Variants in ABL2 observed in about 807,000 individuals in gnomAD.
ABL2 encodes the protein tyrosine-protein kinase ABL2.
In ABL2, 49 loss-of-function variants were observed where a neutral mutation model predicts 107.7. The ratio of observed to expected loss-of-function variants is 0.45; its 90% confidence interval spans 0.36 to 0.58. The LOEUF (loss-of-function observed/expected upper bound fraction) is 0.58, where lower values mean the gene tolerates loss of function less well. ABL2 is among the 20% of genes least tolerant of loss of function. ABL2 has a pLI of 0.00. For synonymous variants in ABL2, 549 were observed against 548.6 expected, an observed-to-expected ratio of 1.00 and a Z score of -0.01; for missense variants, 1,245 against 1,457.0, an observed-to-expected ratio of 0.85 and a Z score of 2.37.
At chr1:179,227,053 G>A (rs1663257449) in intron 1 of ABL2, among the ~76,000 whole-genome samples, 3 of 152,102 alleles carry the variant, frequency 2.0e-5, no homozygotes, top group Admixed American at 2.0e-4. Flanking sequence ...CACCACTCAA[G>A]GCCAGTCTTT....
chr1:179,166,533 C>A (rs998091750), intron 1 of ABL2, among the ~76,000 whole-genome samples: 1 of 151,998 alleles, frequency 6.6e-6, no homozygotes, highest in East Asian at 1.9e-4. Context: ...AATCCCAGCA[C>A]TTTGGGAGGC....
chr1:179,201,956 G>T, intron 1 of ABL2: 1 of 1,162,968 alleles, frequency 8.6e-7, no homozygotes. Context: ...ACCCCAGCCA[G>T]GGCTCAATCT....
rs778857651 is a variant in ABL2, at chr1:179,108,535, G to C, written c.2732C>G (p.Pro911Arg). ...MAGVPEDGEQ[P>R]GWPSPAKAAP... is the part of the protein sequence containing the mutation. ...AGCCTTGGCTGGAGAAGGCCAGCCC[G>C]GCTGCTCTCCATCCTCTGGAACTCC... The change falls in exon 12 of 12, where the codon CCG (proline) becomes CGG (arginine). Residue 911 changes from proline to arginine, a missense_variant. Physicochemically the swap from Pro to Arg is moderately radical, Grantham distance 103 (BLOSUM62 -2). This residue lies in a region of ABL2 where 761 missense variants were observed against 766.4 expected (regional missense o/e 0.99). Coordinates refer to ENST00000502732, the MANE Select transcript of ABL2 (RefSeq NM_007314.4). 3.1e-6 allele frequency: 5 copies of C among 1,613,986 alleles called. No individual in the cohort carries two copies. The Admixed American group carries it at 5.0e-5, about 16-fold the overall frequency.
At chr1:179,112,677 C>A (rs1654203593) in intron 9 of ABL2, among the ~76,000 whole-genome samples, 1 of 152,172 alleles carries the variant, frequency 6.6e-6, no homozygotes, top group Admixed American at 6.5e-5. Context: ...GCAGCCTTGA[C>A]CTCCTGGGTT....
Position 179,117,510 on chromosome 1 carries a change from A to T in ABL2, c.1230T>A (p.Leu410=), listed in dbSNP as rs1416281877. Reference sequence around the variant, plus strand: ...CTCCCACTAGGCAGTTACGAGCTGCAAGATCTCTGTGGGAAAGAGAACCCT... The same window carrying T: ...CTCCCACTAGGCAGTTACGAGCTGCTAGATCTCTGTGGGAAAGAGAACCCT... The part of the protein sequence containing the change: ...LEKKNFIHRD[L]AARNCLVGEN... The change falls in exon 8 of 12, where the codon CTT becomes CTA. Residue 410 remains leucine (L), a synonymous_variant. Coordinates refer to ENST00000502732, the MANE Select transcript of ABL2 (RefSeq NM_007314.4). The T allele has an allele frequency of 7.4e-6, 12 of 1,614,050 alleles. No individual in the cohort carries two copies. Among genetic ancestry groups the T allele is most frequent in the Non-Finnish European group, 1.0e-5 (12 of 1,180,026 alleles).
rs181244513 is a variant in ABL2, at chr1:179,117,086, T to C, written c.1408+246A>G. 38 of 485,110 alleles carry C rather than the reference T, an allele frequency of 7.8e-5. 1 individual carries two copies. In the East Asian group the frequency reaches 1.1e-3, roughly 14 times the overall value. 30.1% of individuals were successfully genotyped at this position (485,110 alleles called of 1,614,324 possible). A position where few individuals can be genotyped will look rare whatever the true frequency, so the allele number is the denominator to read the frequency against. On this transcript the variant is annotated intron_variant, in intron 8 of 11. Coordinates refer to ENST00000502732, the MANE Select transcript of ABL2 (RefSeq NM_007314.4). Reference sequence around the variant, plus strand: ...CTCTTGACCTCAAGTGATCCACCCATCTCGGCCCAAAGTGCTGTAATTACA... The same window carrying C: ...CTCTTGACCTCAAGTGATCCACCCACCTCGGCCCAAAGTGCTGTAATTACA...
intron 3 of ABL2, among the ~76,000 whole-genome samples, chr1:179,129,365 G>A (rs1193883356): frequency 6.6e-6 from 1 of 152,160 alleles, no homozygotes; most frequent in East Asian, 1.9e-4. Context: ...CAAGTATATT[G>A]TAGTCCAAAG....
chr1:179,202,728 G>C (rs545680428), intron 1 of ABL2, among the ~76,000 whole-genome samples: 1 of 152,194 alleles, frequency 6.6e-6, no homozygotes, highest in African/African-American at 2.4e-5. Flanking sequence ...GAGCTCAACA[G>C]AATGAAGAAT....
Position 179,187,817 on chromosome 1 carries a change from C to G in ABL2, c.157+41424G>C, listed in dbSNP as rs943632769. Among the ~76,000 whole-genome samples the G allele has an allele frequency of 2.6e-5, 4 of 152,230 alleles. 1 individual carries two copies. The South Asian group carries it at 8.3e-4, about 32-fold the overall frequency. On this transcript the variant is annotated intron_variant, in intron 1 of 11. Coordinates refer to ENST00000502732, the MANE Select transcript of ABL2 (RefSeq NM_007314.4). Reference sequence around the variant, plus strand: ...CTCTATGGCTATTTCAGACTCATAACTAATCTCTCTGCTTTCACCCTTGTC... The same window carrying G: ...CTCTATGGCTATTTCAGACTCATAAGTAATCTCTCTGCTTTCACCCTTGTC...
In ABL2 at chr1:179,100,934, CA is replaced by C. The variant is rs1378151945; in HGVS notation, c.*6783del. ...AAACAATTTCAAAGTTAGAGATGTA[CA>C]TGGGGATGAAGAAGTAAGTGCACTT... On this transcript the variant is annotated 3_prime_UTR_variant, in exon 12 of 12. Coordinates refer to ENST00000502732, the MANE Select transcript of ABL2 (RefSeq NM_007314.4). 6 of 232,660 alleles carry C rather than the reference CA, an allele frequency of 2.6e-5. No individual in the cohort carries two copies. Among genetic ancestry groups the C allele is most frequent in the African/African-American group, 1.3e-4 (6 of 45,296 alleles). The allele number at this position is 232,660 out of a possible 1,614,324, so 14.4% of individuals were successfully genotyped here. A position where few individuals can be genotyped will look rare whatever the true frequency, so the allele number is the denominator to read the frequency against.
chr1:179,184,572 TGAGGAGGAG>T, intron 1 of ABL2: 3 of 553,466 alleles, frequency 5.4e-6, no homozygotes, highest in Non-Finnish European at 9.8e-6. Flanking sequence ...GAGGAGAAGA[TGAGGAGGAG>T]GAGGAGGAGG....
At position 179,103,148 on chromosome 1, in the gene ABL2, C is replaced by G; in HGVS notation, c.*4570G>C. The G allele has an allele frequency of 4.6e-6, 1 of 217,122 alleles. No individual in the cohort carries two copies. The highest frequency in any genetic ancestry group is 9.3e-6 in the Non-Finnish European group (1 of 107,944). 13.4% of individuals were successfully genotyped at this position (217,122 alleles called of 1,614,324 possible). A position where few individuals can be genotyped will look rare whatever the true frequency, so the allele number is the denominator to read the frequency against. ...GTTCTGGAGTGAGTACACATTCTTA[C>G]TTTTTAAAGATCGGAATTAAACCAA... On this transcript the variant is annotated 3_prime_UTR_variant, in exon 12 of 12. Coordinates refer to ENST00000502732, the MANE Select transcript of ABL2 (RefSeq NM_007314.4).
chr1:179,213,196 AAATT>A (rs1662382210), intron 1 of ABL2, among the ~76,000 whole-genome samples: 1 of 152,146 alleles, frequency 6.6e-6, no homozygotes, highest in African/African-American at 2.4e-5. Flanking sequence ...CAATATAAAA[AAATT>A]AATGCAGTAC....
Position 179,103,495 on chromosome 1 carries a change from T to C in ABL2, c.*4223A>G, listed in dbSNP as rs536198397. On this transcript the variant is annotated 3_prime_UTR_variant, in exon 12 of 12. Coordinates refer to ENST00000502732, the MANE Select transcript of ABL2 (RefSeq NM_007314.4). ...AAGTTTTTTTAAAGAAAAGGGAATG[T>C]AGGACTAACTAGGTTTTTTAAAAAC... 52 of 209,498 alleles carry C rather than the reference T, an allele frequency of 2.5e-4. No individual in the cohort carries two copies. The highest frequency in any genetic ancestry group is 9.4e-4 in the South Asian group (5 of 5,328). The allele number at this position is 209,498 out of a possible 1,614,324, so 13.0% of individuals were successfully genotyped here. A position where few individuals can be genotyped will look rare whatever the true frequency, so the allele number is the denominator to read the frequency against.
At position 179,212,169 on chromosome 1, in the gene ABL2, A is replaced by ATG. The variant is rs1477167872; in HGVS notation, c.157+17071_157+17072insCA. 6.6e-5 allele frequency among the ~76,000 whole-genome samples: 10 copies of ATG among 152,340 alleles called. No individual in the cohort carries two copies. In the South Asian group the frequency reaches 2.1e-3, roughly 32 times the overall value. On this transcript the variant is annotated intron_variant, in intron 1 of 11. Transcript: ENST00000502732. ...TCAGACATGGTGAGAACTTACCATC[A>ATG]GGAGAACAGCATGGGAGAAACTGCC... is the stretch of plus-strand genomic sequence containing the variant.
At position 179,126,512 on chromosome 1, in the gene ABL2, C is replaced by T; in HGVS notation, c.552G>A (p.Glu184=). ...YHGPVSRSAA[E]YLLSSLINGS... ...CATTGATTAGACTGCTGAGCAGATA[C>T]TCAGCTGCACTGCGTGACACAGGTC... Residue 184 remains glutamate, a synonymous_variant, in exon 4 of 12, where the codon GAG becomes GAA. Transcript: ENST00000502732. This position sits in a 1 kb window ranked among gnomAD's most constrained non-coding sequence, Gnocchi z 4.4. The T allele has an allele frequency of 6.2e-7, 1 of 1,614,212 alleles. No homozygotes were observed. The highest frequency in any genetic ancestry group is 8.5e-7 in the Non-Finnish European group (1 of 1,180,046).
chr1:179,153,794 G>C (rs1288525237), intron 1 of ABL2, among the ~76,000 whole-genome samples: 1 of 152,114 alleles, frequency 6.6e-6, no homozygotes, highest in Non-Finnish European at 1.5e-5. Flanking sequence ...AATGTCACCA[G>C]CCCAGAACAT....
At chr1:179,137,168 C>T (rs1657114163) in intron 1 of ABL2, among the ~76,000 whole-genome samples, 1 of 152,094 alleles carries the variant, frequency 6.6e-6, no homozygotes, top group Admixed American at 6.5e-5. Flanking sequence ...TGAATGGGAA[C>T]AGCTGTATTC....
chr1:179,158,242 T>C (rs1658827634), intron 1 of ABL2, among the ~76,000 whole-genome samples: 1 of 152,190 alleles, frequency 6.6e-6, no homozygotes, highest in East Asian at 1.9e-4. Context: ...TCTGGACTTT[T>C]GAGCATCACA....
Sources: gnomAD v4.1 joint callset for allele counts (sites outside exome capture counted in the v4.1 genomes callset) on GRCh38, gnomAD v4.1.1 for gene constraint, gnomAD v4.1.1 regional missense constraint, Gnocchi (gnomAD v3.1) non-coding constraint, MANE v1.5 for transcripts, NCBI Gene and HGNC (gene_info 2026-07-23, HGNC 2026-07-21) for gene names.